Variants in IL1RAP observed in about 807,000 individuals in gnomAD.
The protein encoded by IL1RAP is interleukin 1 receptor accessory protein.
A neutral mutation model predicts 60.7 loss-of-function variants in IL1RAP; 35 were observed. That is an observed-to-expected ratio of 0.58 (90% CI 0.44 to 0.76). The LOEUF is 0.76. Ranked by LOEUF, IL1RAP falls within the 30% of genes least tolerant of loss-of-function variation. IL1RAP has a pLI of 0.00. For missense variants in IL1RAP, 572 were observed against 693.9 expected (o/e 0.82, Z 1.97); for synonymous variants, 268 against 250.9 (o/e 1.07, Z -0.64).
intron 1 of IL1RAP, among the ~76,000 whole-genome samples, chr3:190,527,108 C>A (rs772249735): frequency 6.6e-6 from 1 of 152,094 alleles, no homozygotes; most frequent in Non-Finnish European, 1.5e-5. Flanking sequence ...TGTATTCCAG[C>A]GATGATCCCA....
Position 190,592,486 on chromosome 3 carries a change from TGAGATATG to T in IL1RAP, c.65-11639_65-11632del, listed in dbSNP as rs1205509493. ...TCCAAAACCCAGTTATGAAATGATTTGAGATATGGAAACAGCCTGGAGACCTTCAGCAG... is the reference window on the plus strand; with the variant it reads ...TCCAAAACCCAGTTATGAAATGATTTGAAACAGCCTGGAGACCTTCAGCAG... On this transcript the variant is annotated intron_variant, in intron 3 of 11. Transcript: ENST00000447382. Among the ~76,000 whole-genome samples, 3 of 152,078 alleles carry T rather than the reference TGAGATATG, an allele frequency of 2.0e-5. No homozygotes were observed. The East Asian group carries it at 5.8e-4, about 29-fold the overall frequency.
downstream of IL1RAP, chr3:190,656,098 G>C: frequency 6.5e-7 from 1 of 1,537,282 alleles, no homozygotes; most frequent in Non-Finnish European, 8.7e-7. Flanking sequence ...CAAAGAGTCT[G>C]TGTCTTTTGT....
chr3:190,657,706 C>A (rs1193717630), exon 12 of IL1RAP: 1 of 152,074 alleles, frequency 6.6e-6, no homozygotes, highest in African/African-American at 2.4e-5. Context: ...ATTTGATTTC[C>A]AAGTCAGGTA....
At chr3:190,595,641 C>T (rs1729314044) in intron 3 of IL1RAP, among the ~76,000 whole-genome samples, 1 of 152,160 alleles carries the variant, frequency 6.6e-6, no homozygotes, top group African/African-American at 2.4e-5. Flanking sequence ...ACTACTAGCA[C>T]ACGCAGATGG....
chr3:190,650,432 T>C lies in IL1RAP; in HGVS notation c.*1727T>C. 3 of 984,572 alleles carry C rather than the reference T, an allele frequency of 3.0e-6. No homozygotes were observed. Among genetic ancestry groups the C allele is most frequent in the Non-Finnish European group, 3.6e-6 (3 of 829,150 alleles). The allele number at this position is 984,572 out of a possible 1,614,324, so 61.0% of individuals were successfully genotyped here. A position where few individuals can be genotyped will look rare whatever the true frequency, so the allele number is the denominator to read the frequency against. The stretch of plus-strand genomic sequence containing the variant: ...AGACACATTTAGAAACTAAGCTATG[T>C]TAACCTCAGTGCTCAACTATTTGAA... On this transcript the variant is annotated 3_prime_UTR_variant, in exon 12 of 12. Transcript: ENST00000447382.
rs138754272 is a variant in IL1RAP, at chr3:190,616,927, A to G, written c.538-3348A>G. 3.1e-4 allele frequency among the ~76,000 whole-genome samples: 47 copies of G among 152,308 alleles called. No homozygotes were observed. In the East Asian group the frequency reaches 8.3e-3, roughly 27 times the overall value. Reference sequence around the variant, plus strand: ...GTCCCTCATACAAGTTAATTTTCCAAAGGAGGAACTCTGCATGAAAACAGA... The same window carrying G: ...GTCCCTCATACAAGTTAATTTTCCAGAGGAGGAACTCTGCATGAAAACAGA... On this transcript the variant is annotated intron_variant, in intron 5 of 11. Transcript: ENST00000447382.
In IL1RAP at chr3:190,650,628, A is replaced by G; in HGVS notation, c.*1923A>G. 1 of 867,402 alleles carries G rather than the reference A, an allele frequency of 1.2e-6. No homozygotes were observed. The highest frequency in any genetic ancestry group is 1.8e-5 in the African/African-American group (1 of 54,944). 53.7% of individuals were successfully genotyped at this position (867,402 alleles called of 1,614,324 possible). On this transcript the variant is annotated 3_prime_UTR_variant, in exon 12 of 12. Transcript: ENST00000447382. ...CCCATAATAAATCATTTCCCTCTATAAGTGTTATTGATTATTTTAAATTGA... is the reference window on the plus strand; with the variant it reads ...CCCATAATAAATCATTTCCCTCTATGAGTGTTATTGATTATTTTAAATTGA...
intron 5 of IL1RAP, among the ~76,000 whole-genome samples, chr3:190,613,908 G>T (rs1002754767): frequency 1.3e-5 from 2 of 151,626 alleles, no homozygotes; most frequent in African/African-American, 4.8e-5. Context: ...CTGATATATT[G>T]CTTCCTGTTC....
At chr3:190,592,302 C>G (rs1729014751) in intron 3 of IL1RAP, among the ~76,000 whole-genome samples, 1 of 152,186 alleles carries the variant, frequency 6.6e-6, no homozygotes, top group Non-Finnish European at 1.5e-5. Context: ...GCTTCTATCC[C>G]CTGGTGCCAC....
At chr3:190,628,373 G>T (rs746453534) in intron 8 of IL1RAP, among the ~76,000 whole-genome samples, 1 of 152,220 alleles carries the variant, frequency 6.6e-6, no homozygotes, top group Non-Finnish European at 1.5e-5. Context: ...GGAAAGTCAT[G>T]TTGTTCCACC....
intron 3 of IL1RAP, among the ~76,000 whole-genome samples, chr3:190,585,718 A>G (rs1728395377): frequency 1.3e-5 from 2 of 152,056 alleles, no homozygotes; most frequent in African/African-American, 4.8e-5. Flanking sequence ...AGGGTGAGGT[A>G]GGAGAATTGC....
At chr3:190,653,951 T>G (rs891145612), downstream of IL1RAP, among the ~76,000 whole-genome samples, 1 of 152,146 alleles carries the variant, frequency 6.6e-6, no homozygotes, top group Non-Finnish European at 1.5e-5. Flanking sequence ...ATCTCCTACA[T>G]GTGTTTCTCA....
At chr3:190,644,623 A>G (rs763850358) in intron 10 of IL1RAP, among the ~76,000 whole-genome samples, 10 of 152,196 alleles carry the variant, frequency 6.6e-5, no homozygotes, top group Non-Finnish European at 1.5e-4. Context: ...CACCCTCCAA[A>G]TAGAAATATA....
chr3:190,607,947 T>A (rs1730488311), intron 4 of IL1RAP, among the ~76,000 whole-genome samples: 1 of 152,192 alleles, frequency 6.6e-6, no homozygotes, highest in African/African-American at 2.4e-5. Flanking sequence ...TATCCAGACA[T>A]AGGATTGCTA....
chr3:190,526,200 T>C (rs2108522720), intron 1 of IL1RAP, among the ~76,000 whole-genome samples: 1 of 152,342 alleles, frequency 6.6e-6, no homozygotes, highest in South Asian at 2.1e-4. Flanking sequence ...CTATAAATAA[T>C]TTCTTTTTGA....
At chr3:190,607,691 A>G (rs1012679405) in intron 4 of IL1RAP, among the ~76,000 whole-genome samples, 6 of 152,196 alleles carry the variant, frequency 3.9e-5, no homozygotes, top group South Asian at 2.1e-4. Flanking sequence ...TATAGCACCA[A>G]TGTAATTCCC....
chr3:190,628,412 C>G (rs1732497451), intron 8 of IL1RAP, among the ~76,000 whole-genome samples: 1 of 152,168 alleles, frequency 6.6e-6, no homozygotes, highest in Non-Finnish European at 1.5e-5. Flanking sequence ...ACTCAGTGTT[C>G]ATAGGATAGC....
chr3:190,601,221 G>A (rs1729831466), intron 3 of IL1RAP, among the ~76,000 whole-genome samples: 1 of 152,114 alleles, frequency 6.6e-6, no homozygotes, highest in South Asian at 2.1e-4. Flanking sequence ...CTGACCTCAG[G>A]TGATCCGCCC....
At chr3:190,515,245 T>C (rs62907660) in intron 1 of IL1RAP, among the ~76,000 whole-genome samples, 2 of 126,422 alleles carry the variant, frequency 1.6e-5, no homozygotes, top group African/African-American at 3.9e-5. Flanking sequence ...TTTTTTTTTT[T>C]CCAGCCAAAA....
Sources: allele counts gnomAD v4.1 joint callset (sites outside exome capture counted in the v4.1 genomes callset), GRCh38; gene constraint gnomAD v4.1.1; transcripts MANE v1.5; gene names NCBI Gene and HGNC (gene_info 2026-07-23, HGNC 2026-07-21).